The following LRRC37A3 variants were observed in gnomAD, a reference collection of about 807,000 sequenced individuals.
The protein encoded by LRRC37A3 is leucine-rich repeat-containing protein 37A3.
LRRC37A3 carries 25 observed loss-of-function variants against 106.2 expected under a neutral mutation model. The ratio of observed to expected loss-of-function variants is 0.24; its 90% CI spans 0.17 to 0.33. The LOEUF (loss-of-function observed/expected upper bound fraction) is 0.33, where lower values mean the gene tolerates loss of function less well. LRRC37A3 is among the 10% of genes least tolerant of loss of function. The probability of loss-of-function intolerance (pLI) is 1.00; values close to 1 mark genes in which losing one functional copy is unlikely to be tolerated. For missense variants in LRRC37A3, 712 were observed against 1,644.9 expected (o/e 0.43, Z 9.81); for synonymous variants, 305 against 635.8 (o/e 0.48, Z 7.83).
Position 64,869,175 on chromosome 17 carries a change from T to C in LRRC37A3, c.2907-9A>G. 6.2e-7 allele frequency: 1 copy of C among 1,608,374 alleles called. No homozygotes were observed. The highest frequency in any genetic ancestry group is 8.5e-7 in the Non-Finnish European group (1 of 1,178,598). Reference sequence around the variant, plus strand: ...GATTGTGATTGAGAATTCTGAAAAATGGAATGGAATTAAAATAACCTGCAT... The same window carrying C: ...GATTGTGATTGAGAATTCTGAAAAACGGAATGGAATTAAAATAACCTGCAT... On this transcript the variant is annotated splice_polypyrimidine_tract_variant and intron_variant, in intron 8 of 14. Transcript: ENST00000584306.
At chr17:64,914,466 C>T (rs1412917214) in intron 2 of LRRC37A3, among the ~76,000 whole-genome samples, 2 of 149,164 alleles carry the variant, frequency 1.3e-5, no homozygotes, top group African/African-American at 4.9e-5. Flanking sequence ...GGCTGAGGCA[C>T]GAGAATAATT....
At chr17:64,866,755 C>G (rs909872778) in intron 10 of LRRC37A3, among the ~76,000 whole-genome samples, 8 of 138,978 alleles carry the variant, frequency 5.8e-5, no homozygotes, top group African/African-American at 2.1e-4. Flanking sequence ...CTCAGGTTCC[C>G]TAGTAGCTGG....
chr17:64,873,740 T>G (rs1391683920), intron 8 of LRRC37A3, among the ~76,000 whole-genome samples: 1 of 151,648 alleles, frequency 6.6e-6, no homozygotes, highest in African/African-American at 2.4e-5. Context: ...GATTGTTGAC[T>G]CTGAGGAACA....
chr17:64,862,159 A>C (rs924702243), intron 11 of LRRC37A3, among the ~76,000 whole-genome samples: 1 of 152,224 alleles, frequency 6.6e-6, no homozygotes, highest in Non-Finnish European at 1.5e-5. Flanking sequence ...TATGTAACCA[A>C]GCATTATTAA....
At chr17:64,871,233 G>C (rs1358298316) in intron 8 of LRRC37A3, among the ~76,000 whole-genome samples, 1 of 151,678 alleles carries the variant, frequency 6.6e-6, no homozygotes, top group Non-Finnish European at 1.5e-5. Context: ...ACCTCTATGA[G>C]AATTACAATT....
In LRRC37A3 at chr17:64,859,929, G is replaced by T. The variant is rs1386604180; in HGVS notation, c.4217C>A (p.Thr1406Asn). 3 of 1,613,700 alleles carry T rather than the reference G, an allele frequency of 1.9e-6. No homozygotes were observed. The highest frequency in any genetic ancestry group is 2.2e-5 in the South Asian group (2 of 91,072). ...AFEENVFMEN[T>N]NMPEGTISEN... Reference sequence around the variant, plus strand: ...AGAGATGGTTCCTTCTGGCATGTTAGTGTTTTCCATAAAAACATTTTCTTC... The same window carrying T: ...AGAGATGGTTCCTTCTGGCATGTTATTGTTTTCCATAAAAACATTTTCTTC... The change falls in exon 12 of 15, where the codon ACT becomes AAT. Residue 1406 changes from threonine (T) to asparagine (N), a missense_variant. Physicochemically the swap from Thr to Asn is moderately conservative, Grantham distance 65. Coordinates refer to ENST00000584306, the MANE Select transcript of LRRC37A3 (RefSeq NM_199340.5).
At position 64,859,654 on chromosome 17, in the gene LRRC37A3, T is replaced by C; in HGVS notation, c.4492A>G (p.Ile1498Val). The change falls in exon 12 of 15, where the codon ATC becomes GTC. Residue 1498 changes from isoleucine (I) to valine (V), a missense_variant. Physicochemically the swap from Ile to Val is conservative, Grantham distance 29. Coordinates refer to ENST00000584306, the MANE Select transcript of LRRC37A3 (RefSeq NM_199340.5). Reference sequence around the variant, plus strand: ...GAGCAGTCCATCTTCAAGGTCCGGATAACATGAGCAATGAGCCTTCTCACA... The same window carrying C: ...GAGCAGTCCATCTTCAAGGTCCGGACAACATGAGCAATGAGCCTTCTCACA... ...NNVRRLIAHV[I>V]RTLKMDCSGA... The C allele has an allele frequency of 5.0e-6, 8 of 1,613,786 alleles. No homozygotes were observed. Among genetic ancestry groups the C allele is most frequent in the Non-Finnish European group, 6.8e-6 (8 of 1,179,994 alleles).
chr17:64,893,649 T>TA (rs1491236146), intron 4 of LRRC37A3, among the ~76,000 whole-genome samples: 1 of 89,464 alleles, frequency 1.1e-5, no homozygotes, highest in Non-Finnish European at 2.1e-5. Context: ...CCTCCTATCA[T>TA]TTTTTTTTTT....
At chr17:64,873,324 A>T (rs567255107) in intron 8 of LRRC37A3, among the ~76,000 whole-genome samples, 3 of 150,806 alleles carry the variant, frequency 2.0e-5, no homozygotes, top group Non-Finnish European at 4.4e-5. Flanking sequence ...CTTACTAGAC[A>T]AAGATTTTTT....
chr17:64,877,918 T>G (rs1364755781), intron 8 of LRRC37A3, among the ~76,000 whole-genome samples: 7 of 152,174 alleles, frequency 4.6e-5, no homozygotes, highest in African/African-American at 1.7e-4. Flanking sequence ...AATGTTTTTT[T>G]TTTTAAAATG....
chr17:64,854,507 T>C lies in LRRC37A3; in HGVS notation c.*92A>G, dbSNP rs1972609451. 1.3e-6 allele frequency: 2 copies of C among 1,574,332 alleles called. No homozygotes were observed. Among genetic ancestry groups the C allele is most frequent in the Non-Finnish European group, 1.7e-6 (2 of 1,144,900 alleles). On this transcript the variant is annotated 3_prime_UTR_variant, in exon 15 of 15. Coordinates refer to ENST00000584306, the MANE Select transcript of LRRC37A3 (RefSeq NM_199340.5). ...GCTCTGCCCGCTGCCTCTGTGGATGTGTGGGCCGCTGGCTTCAGTCCTGCT... is the reference window on the plus strand; with the variant it reads ...GCTCTGCCCGCTGCCTCTGTGGATGCGTGGGCCGCTGGCTTCAGTCCTGCT...
chr17:64,911,312 A>G (rs1338432161), intron 2 of LRRC37A3, among the ~76,000 whole-genome samples: 1 of 141,778 alleles, frequency 7.1e-6, no homozygotes, highest in Admixed American at 7.2e-5. Context: ...CCGCCAACAC[A>G]TTCTCTTAGA....
chr17:64,856,485 T>C (rs1163172631), intron 13 of LRRC37A3, among the ~76,000 whole-genome samples: 2 of 150,666 alleles, frequency 1.3e-5, no homozygotes, highest in East Asian at 2.0e-4. Flanking sequence ...CCTGGCCCCA[T>C]GTAATTTAAG....
Position 64,860,804 on chromosome 17 carries a change from A to C in LRRC37A3, c.3342T>G (p.Ser1114Arg), listed in dbSNP as rs200339989. Residue 1114 changes from serine to arginine, a missense_variant, in exon 12 of 15, where the codon AGT becomes AGG. Physicochemically the swap from Ser to Arg is moderately radical, Grantham distance 110 (BLOSUM62 -1). Coordinates refer to ENST00000584306, the MANE Select transcript of LRRC37A3 (RefSeq NM_199340.5). ...GSEQLDTNDE[S>R]DVTSTLSYIL... ...TGTAACTTAGTGTACTGGTAACATC[A>C]CTCTCGTCATTGGTGTCTAGCTGCT... is the stretch of plus-strand genomic sequence containing the variant. The C allele has an allele frequency of 6.2e-7, 1 of 1,614,034 alleles. No homozygotes were observed. Among genetic ancestry groups the C allele is most frequent in the Non-Finnish European group, 8.5e-7 (1 of 1,179,998 alleles).
intron 13 of LRRC37A3, 135 bp from the exon 14 acceptor site, chr17:64,856,024 C>A: frequency 6.4e-7 from 1 of 1,563,300 alleles, no homozygotes; most frequent in East Asian, 2.3e-5. Flanking sequence ...GAATTGCATA[C>A]TGTGTAACAC....
At chr17:64,891,240 C>A in intron 5 of LRRC37A3, among the ~76,000 whole-genome samples, 1 of 98,492 alleles carries the variant, frequency 1.0e-5, no homozygotes, top group Non-Finnish European at 1.8e-5. Flanking sequence ...TGAACAAAGG[C>A]CAGAAAACTC....
chr17:64,878,060 CA>C (rs1054054179), intron 8 of LRRC37A3, among the ~76,000 whole-genome samples: 2 of 152,140 alleles, frequency 1.3e-5, no homozygotes, highest in African/African-American at 4.8e-5. Context: ...GACTCTTACA[CA>C]AAAACATGGG....
Position 64,855,834 on chromosome 17 carries a change from A to G in LRRC37A3, c.4859+6T>C. ...AAGAAAAAAAAATCACCAGACTAAT[A>G]TTTACCTTGAGAATCCTTCTTCATC... On this transcript the variant is annotated splice_donor_region_variant and intron_variant, in intron 14 of 14. Transcript: ENST00000584306. The G allele has an allele frequency of 6.2e-7, 1 of 1,611,678 alleles. No individual in the cohort carries two copies. The highest frequency in any genetic ancestry group is 1.1e-5 in the South Asian group (1 of 90,982).
intron 5 of LRRC37A3, among the ~76,000 whole-genome samples, chr17:64,891,798 CACAAA>C (rs1343052616): frequency 7.4e-6 from 1 of 135,148 alleles, no homozygotes; most frequent in Admixed American, 7.1e-5. Context: ...ATTTTAAAAC[CACAAA>C]ACAAATCTAT....
Sources: allele counts gnomAD v4.1 joint callset (sites outside exome capture counted in the v4.1 genomes callset), GRCh38; gene constraint gnomAD v4.1.1; transcripts MANE v1.5; gene names NCBI Gene and HGNC (gene_info 2026-07-23, HGNC 2026-07-21).